DLG2: variants seen among roughly 807,000 people sequenced by gnomAD.
The protein encoded by DLG2 is disks large homolog 2.
DLG2 carries 45 observed loss-of-function variants against 132.5 expected under a neutral mutation model. The observed-to-expected ratio is 0.34, with a 90% CI of 0.27 to 0.44. DLG2 has a LOEUF of 0.44. Among genes scored for constraint, DLG2 ranks in the 20% least tolerant of loss-of-function variants. The pLI, the probability that DLG2 is intolerant of heterozygous loss-of-function variation, is 1.00. For missense variants in DLG2, 1,045 were observed against 1,196.9 expected, an observed-to-expected ratio of 0.87 and a Z score of 1.87; for synonymous variants, 424 against 419.6, an observed-to-expected ratio of 1.01 and a Z score of -0.13.
intron 6 of DLG2, among the ~76,000 whole-genome samples, chr11:84,683,683 C>T (rs1031164809): frequency 6.6e-6 from 1 of 152,132 alleles, no homozygotes; most frequent in African/African-American, 2.4e-5. Context: ...AGTCGCAGCA[C>T]CATGCCATTA....
chr11:84,366,862 G>T (rs2098686150), intron 7 of DLG2, among the ~76,000 whole-genome samples: 1 of 151,972 alleles, frequency 6.6e-6, no homozygotes, highest in Non-Finnish European at 1.5e-5. Flanking sequence ...CATTAATAAT[G>T]GGAGACTTTA....
intron 6 of DLG2, among the ~76,000 whole-genome samples, chr11:84,686,352 G>A (rs2099738152): frequency 6.6e-6 from 1 of 152,114 alleles, no homozygotes; most frequent in Non-Finnish European, 1.5e-5. Context: ...TCAATTTATG[G>A]CATGCAGAAG....
chr11:85,467,999 G>T (rs936696702), intron 3 of DLG2, among the ~76,000 whole-genome samples: 6 of 152,278 alleles, frequency 3.9e-5, no homozygotes, highest in Middle Eastern at 3.4e-3. Flanking sequence ...CCTGTTATTG[G>T]TCTATTCAGA....
chr11:85,430,456 TAGC>T (rs1377371059), intron 3 of DLG2, among the ~76,000 whole-genome samples: 1 of 152,158 alleles, frequency 6.6e-6, no homozygotes, highest in Non-Finnish European at 1.5e-5. Flanking sequence ...TATCCTATAA[TAGC>T]AGTCTAGGTA....
intron 16 of DLG2, among the ~76,000 whole-genome samples, chr11:83,870,980 T>A (rs1025907161): frequency 6.6e-6 from 1 of 152,162 alleles, no homozygotes; most frequent in African/African-American, 2.4e-5. Flanking sequence ...CCTGTTTCCA[T>A]AGGTGATCAA....
chr11:83,462,629 A>G (rs891464930), intron 26 of DLG2, among the ~76,000 whole-genome samples: 9 of 152,178 alleles, frequency 5.9e-5, no homozygotes, highest in African/African-American at 1.7e-4. Context: ...GATGAAGAGA[A>G]GCTGGTTAAG....
chr11:83,648,566 G>A (rs1049292449), intron 18 of DLG2, among the ~76,000 whole-genome samples: 1 of 152,132 alleles, frequency 6.6e-6, no homozygotes, highest in South Asian at 2.1e-4. Context: ...GTAAAACTGA[G>A]GTGTCAGCAA....
intron 2 of DLG2, among the ~76,000 whole-genome samples, chr11:85,618,255 A>G (rs1350335912): frequency 1.3e-5 from 2 of 152,086 alleles, no homozygotes; most frequent in African/African-American, 4.8e-5. Context: ...TGGAGAACAC[A>G]TTCCCTTATC....
At chr11:83,790,072 G>C in intron 17 of DLG2, 1 of 1,139,686 alleles carries the variant, frequency 8.8e-7, no homozygotes, top group Non-Finnish European at 1.2e-6. Flanking sequence ...AATGACACAG[G>C]TACTGCAACG....
chr11:85,105,613 C>T (rs2071608901), intron 6 of DLG2, among the ~76,000 whole-genome samples: 1 of 151,954 alleles, frequency 6.6e-6, no homozygotes. Flanking sequence ...CCACTGCCCA[C>T]CAATTTAAGG....
chr11:83,466,683 A>T (rs2091098876), intron 26 of DLG2, 25 bp downstream of exon 26: 1 of 1,332,092 alleles, frequency 7.5e-7, no homozygotes, highest in South Asian at 1.2e-5. Flanking sequence ...CAGTTGGATG[A>T]AGGCCTCCAA....
At chr11:85,068,238 C>T (rs1363022592) in intron 6 of DLG2, among the ~76,000 whole-genome samples, 2 of 152,052 alleles carry the variant, frequency 1.3e-5, no homozygotes, top group South Asian at 4.1e-4. Context: ...TGAAAACTGG[C>T]ACAAGACAGG....
intron 6 of DLG2, among the ~76,000 whole-genome samples, chr11:84,762,413 CT>C (rs1404483113): frequency 1.3e-5 from 2 of 152,162 alleles, no homozygotes; most frequent in African/African-American, 4.8e-5. Flanking sequence ...TTGTTGACAA[CT>C]TAATTTATTA....
At chr11:85,517,512 T>C (rs936590045) in intron 3 of DLG2, among the ~76,000 whole-genome samples, 45 of 152,070 alleles carry the variant, frequency 3.0e-4, no homozygotes, top group Admixed American at 9.8e-4. Context: ...GGTGATGATA[T>C]GATCATACAC....
At position 84,713,298 on chromosome 11, in the gene DLG2, C is replaced by T. The variant is rs568738716; in HGVS notation, c.358-178567G>A. 5.9e-5 allele frequency among the ~76,000 whole-genome samples: 9 copies of T among 152,204 alleles called. No homozygotes were observed. In the East Asian group the frequency reaches 1.7e-3, roughly 30 times the overall value. On this transcript the variant is annotated intron_variant, in intron 6 of 27. Coordinates refer to ENST00000376104, the MANE Select transcript of DLG2 (RefSeq NM_001142699.3). ...GCAAATTACTTAAACCACCTGCACCCCAATTTCTCTACCTGTAACACTGGG... is the reference window on the plus strand; with the variant it reads ...GCAAATTACTTAAACCACCTGCACCTCAATTTCTCTACCTGTAACACTGGG...
chr11:84,432,423 T>C (rs1467538249), intron 7 of DLG2, among the ~76,000 whole-genome samples: 1 of 152,212 alleles, frequency 6.6e-6, no homozygotes, highest in African/African-American at 2.4e-5. Context: ...TTGAGGACAT[T>C]GGAGATCTAC....
intron 6 of DLG2, among the ~76,000 whole-genome samples, chr11:84,990,990 A>G (rs1231403962): frequency 1.3e-5 from 2 of 152,206 alleles, no homozygotes; most frequent in Non-Finnish European, 2.9e-5. Context: ...CAATGGGTGA[A>G]TGTTAAACTA....
At chr11:85,497,322 G>A (rs1432042971) in intron 3 of DLG2, among the ~76,000 whole-genome samples, 1 of 151,308 alleles carries the variant, frequency 6.6e-6, no homozygotes, top group Admixed American at 6.6e-5. Flanking sequence ...CAGAAGAAAG[G>A]ATATCAGTGA....
At chr11:83,656,285 A>G (rs2072411548) in intron 18 of DLG2, among the ~76,000 whole-genome samples, 1 of 152,196 alleles carries the variant, frequency 6.6e-6, no homozygotes, top group South Asian at 2.1e-4. Context: ...ACAGGGTACT[A>G]TGATGCCAGG....
Sources: gnomAD v4.1 joint callset for allele counts (sites outside exome capture counted in the v4.1 genomes callset) on GRCh38, gnomAD v4.1.1 for gene constraint, MANE v1.5 for transcripts, NCBI Gene and HGNC (gene_info 2026-07-23, HGNC 2026-07-21) for gene names.